The following ENOX2 variants were observed in gnomAD, a reference collection of about 807,000 sequenced individuals.
ENOX2 encodes the protein ecto-NOX disulfide-thiol exchanger 2.
ENOX2 carries 36 observed loss-of-function variants against 45.0 expected under a neutral mutation model. The ratio of observed to expected loss-of-function variants is 0.80; its 90% CI spans 0.61 to 1.06. ENOX2 has a LOEUF of 1.06. ENOX2 is among the 50% of genes least tolerant of loss of function. ENOX2 has a pLI of 0.00. For missense variants in ENOX2, 423 were observed against 462.5 expected (o/e 0.91, Z 0.78); for synonymous variants, 174 against 152.3 (o/e 1.14, Z -1.05).
chrX:130,812,466 C>A (rs1159581612), intron 2 of ENOX2, among the ~76,000 whole-genome samples: 1 of 111,701 alleles, frequency 9.0e-6, no homozygotes, highest in African/African-American at 3.3e-5. Context: ...CTTTACACAG[C>A]AAAGCTGTCC....
At chrX:130,716,269 T>C (rs1024646790) in intron 3 of ENOX2, among the ~76,000 whole-genome samples, 2 of 112,254 alleles carry the variant, frequency 1.8e-5, no homozygotes. Flanking sequence ...TGGGATTAAT[T>C]TGTATTCTTC....
intron 3 of ENOX2, among the ~76,000 whole-genome samples, chrX:130,759,146 TTTC>T (rs2039415531): frequency 9.0e-6 from 1 of 111,301 alleles, no homozygotes; most frequent in Non-Finnish European, 1.9e-5. Flanking sequence ...TCCTGAAAAT[TTTC>T]TTCTATTTTT....
At chrX:130,802,269 A>AT (rs776522851) in intron 2 of ENOX2, among the ~76,000 whole-genome samples, 6 of 111,585 alleles carry the variant, frequency 5.4e-5, no homozygotes, top group Non-Finnish European at 1.1e-4. Flanking sequence ...AAGCCACATT[A>AT]TTTTTTTTAA....
At chrX:130,878,732 A>G (rs973341152) in intron 2 of ENOX2, among the ~76,000 whole-genome samples, 2 of 112,019 alleles carry the variant, frequency 1.8e-5, no homozygotes, top group Non-Finnish European at 3.8e-5. Context: ...GCTCTAAGTT[A>G]TTTGTCCATA....
chrX:130,706,658 A>G (rs2038044319), intron 3 of ENOX2, among the ~76,000 whole-genome samples: 1 of 112,108 alleles, frequency 8.9e-6, no homozygotes, highest in African/African-American at 3.2e-5. Flanking sequence ...TTCAAGAAAT[A>G]TTTAAATTAA....
At chrX:130,845,400 T>C (rs936498384) in intron 2 of ENOX2, among the ~76,000 whole-genome samples, 1 of 112,727 alleles carries the variant, frequency 8.9e-6, no homozygotes, top group Non-Finnish European at 1.9e-5. Flanking sequence ...TGGGTTAAGC[T>C]CTTTCAGTGC....
At chrX:130,734,510 C>G (rs2038814945) in intron 3 of ENOX2, among the ~76,000 whole-genome samples, 1 of 111,506 alleles carries the variant, frequency 9.0e-6, no homozygotes, top group East Asian at 2.8e-4. Flanking sequence ...ACTGAGAAAT[C>G]ATAAGCTTGA....
intron 3 of ENOX2, among the ~76,000 whole-genome samples, chrX:130,767,169 T>C (rs761365953): frequency 1.8e-5 from 2 of 111,982 alleles, no homozygotes; most frequent in Non-Finnish European, 3.8e-5. Flanking sequence ...GTTCATTTTG[T>C]GTACCCTTAA....
intron 3 of ENOX2, among the ~76,000 whole-genome samples, chrX:130,742,179 T>A (rs773185132): frequency 2.8e-5 from 3 of 108,709 alleles, no homozygotes; most frequent in Non-Finnish European, 5.7e-5. Context: ...GTACAAGCAC[T>A]TAAAAAAGTA....
chrX:130,858,361 G>T (rs995427862), intron 2 of ENOX2, among the ~76,000 whole-genome samples: 2 of 109,959 alleles, frequency 1.8e-5, no homozygotes, highest in African/African-American at 6.6e-5. Context: ...CAGGTGATCC[G>T]CCCGCCTCCG....
chrX:130,645,206 T>A, intron 10 of ENOX2, among the ~76,000 whole-genome samples: 1 of 112,371 alleles, frequency 8.9e-6, no homozygotes. Context: ...TCAGAAGATT[T>A]CATTCACTCA....
At chrX:130,640,948 T>C (rs1403606549) in intron 10 of ENOX2, among the ~76,000 whole-genome samples, 2 of 111,702 alleles carry the variant, frequency 1.8e-5, no homozygotes, top group Non-Finnish European at 3.8e-5. Context: ...CTGAAAAAAG[T>C]ACATAACAGA....
chrX:130,723,716 C>T (rs1186898711), intron 3 of ENOX2, among the ~76,000 whole-genome samples: 1 of 111,250 alleles, frequency 9.0e-6, no homozygotes, highest in East Asian at 2.8e-4. Flanking sequence ...CTAAGGGACC[C>T]CTCCCCATTT....
rs182418749 is a variant in ENOX2, at chrX:130,855,792, T to C, written c.-183+45892A>G. On this transcript the variant is annotated intron_variant, in intron 2 of 14. Transcript: ENST00000394363. ...AGTAGATGAAAAGACAAGCCACAGA[T>C]TGGCAAAAATATATTTGTAAAGCAC... is the stretch of plus-strand genomic sequence containing the variant. Among the ~76,000 whole-genome samples the C allele has an allele frequency of 5.1e-3, 571 of 111,818 alleles. 2 individuals are homozygous for C. Among genetic ancestry groups the C allele is most frequent in the African/African-American group, 0.018 (544 of 30,773 alleles).
At chrX:130,890,342 G>C (rs1316935864) in intron 2 of ENOX2, among the ~76,000 whole-genome samples, 1 of 111,263 alleles carries the variant, frequency 9.0e-6, no homozygotes, top group East Asian at 2.8e-4. Flanking sequence ...CCGATTTCAA[G>C]CTCCAGAATG....
chrX:130,902,939 T>G (rs1472429920), intron 1 of ENOX2, 110 bp downstream of exon 1: 1 of 108,067 alleles, frequency 9.3e-6, no homozygotes, highest in East Asian at 3.0e-4. Flanking sequence ...GAGGTGGAGC[T>G]GGGTGGAGTT....
At chrX:130,642,937 C>T (rs1034622106) in intron 10 of ENOX2, among the ~76,000 whole-genome samples, 10 of 111,726 alleles carry the variant, frequency 9.0e-5, no homozygotes, top group East Asian at 5.6e-4. Flanking sequence ...TTTATTGCAG[C>T]GGTCTGAAAT....
intron 2 of ENOX2, among the ~76,000 whole-genome samples, chrX:130,799,641 G>C (rs190995741): frequency 1.8e-5 from 2 of 111,520 alleles, no homozygotes; most frequent in Admixed American, 1.9e-4. Flanking sequence ...AGTTTCCTCA[G>C]CTGAAAAATG....
At chrX:130,697,870 C>T (rs1391954046) in intron 4 of ENOX2, among the ~76,000 whole-genome samples, 1 of 112,068 alleles carries the variant, frequency 8.9e-6, no homozygotes, top group East Asian at 2.8e-4. Context: ...GATCCTCTAG[C>T]CCTTGAGCTT....
Sources: allele counts gnomAD v4.1 joint callset (sites outside exome capture counted in the v4.1 genomes callset), GRCh38; gene constraint gnomAD v4.1.1; transcripts MANE v1.5; gene names NCBI Gene and HGNC (gene_info 2026-07-23, HGNC 2026-07-21).